SPACA7: variants seen among roughly 807,000 people sequenced by gnomAD.
SPACA7 encodes the protein sperm acrosome associated 7, also known as sperm acrosome-associated protein 7.
A neutral mutation model predicts 26.3 loss-of-function variants in SPACA7; 19 were observed. The observed-to-expected ratio is 0.72, with a 90% confidence interval of 0.50 to 1.06. SPACA7 has a LOEUF of 1.06. Ranked by LOEUF, SPACA7 falls within the 50% of genes least tolerant of loss-of-function variation. The pLI is 0.00. For missense variants in SPACA7, 211 were observed against 229.9 expected, an observed-to-expected ratio of 0.92 and a Z score of 0.53; for synonymous variants, 84 against 84.5, an observed-to-expected ratio of 0.99 and a Z score of 0.04.
At chr13:112,400,547 G>A (rs1362621078) in intron 4 of SPACA7, among the ~76,000 whole-genome samples, 4 of 152,146 alleles carry the variant, frequency 2.6e-5, no homozygotes, top group Non-Finnish European at 5.9e-5. Flanking sequence ...CACCGTTACT[G>A]ATTGTGAGCC....
At chr13:112,423,260 C>T (rs943282465) in intron 5 of SPACA7, among the ~76,000 whole-genome samples, 1 of 152,074 alleles carries the variant, frequency 6.6e-6, no homozygotes, top group African/African-American at 2.4e-5. Context: ...AAAAGGAAAA[C>T]ACAACATGTC....
intron 4 of SPACA7, among the ~76,000 whole-genome samples, chr13:112,399,479 C>G (rs1594275990): frequency 3.3e-5 from 5 of 152,336 alleles, no homozygotes; most frequent in East Asian, 3.9e-4. Flanking sequence ...GCCTGGCCCC[C>G]TCTCCCAAAG....
intron 1 of SPACA7, among the ~76,000 whole-genome samples, chr13:112,384,712 C>T (rs1367838912): frequency 6.6e-6 from 1 of 152,142 alleles, no homozygotes; most frequent in Non-Finnish European, 1.5e-5. Context: ...ATAGAGGACA[C>T]TTAGCTTTCC....
chr13:112,408,057 G>T (rs1179247442), intron 5 of SPACA7, among the ~76,000 whole-genome samples: 1 of 152,142 alleles, frequency 6.6e-6, no homozygotes, highest in Non-Finnish European at 1.5e-5. Context: ...ATGCAAGGCT[G>T]GTTCAAAGTA....
At chr13:112,381,494 CAAAA>C (rs35147413) in intron 1 of SPACA7, among the ~76,000 whole-genome samples, 613 of 44,048 alleles carry the variant, frequency 0.014, 9 homozygotes, top group Admixed American at 0.092. Context: ...CCCTGTCCCC[CAAAA>C]AAAAAAAAAA....
intron 1 of SPACA7, among the ~76,000 whole-genome samples, chr13:112,387,961 G>A (rs1180338325): frequency 6.6e-6 from 1 of 152,152 alleles, no homozygotes; most frequent in Non-Finnish European, 1.5e-5. Flanking sequence ...TCCAGGTGGT[G>A]ATGGACAACC....
intron 5 of SPACA7, among the ~76,000 whole-genome samples, chr13:112,430,613 G>T (rs1426650351): frequency 6.6e-6 from 1 of 152,128 alleles, no homozygotes; most frequent in Admixed American, 6.5e-5. Context: ...TGGGGTGATG[G>T]CCCCTGGGTT....
intron 5 of SPACA7, among the ~76,000 whole-genome samples, chr13:112,410,744 G>A (rs1374179537): frequency 6.7e-6 from 1 of 149,544 alleles, no homozygotes; most frequent in Non-Finnish European, 1.5e-5. Flanking sequence ...CAGTATGGTG[G>A]TGCCTCAAAA....
At chr13:112,394,703 T>G (rs1885122089) in intron 2 of SPACA7, among the ~76,000 whole-genome samples, 1 of 152,334 alleles carries the variant, frequency 6.6e-6, no homozygotes. Context: ...GGTCAAGGAA[T>G]GGCTGTGACT....
chr13:112,398,487 A>G (rs1404707374), intron 3 of SPACA7, among the ~76,000 whole-genome samples: 6 of 152,092 alleles, frequency 3.9e-5, no homozygotes, highest in Non-Finnish European at 5.9e-5. Flanking sequence ...ACACACGCCC[A>G]TGCTCTCACT....
intron 1 of SPACA7, among the ~76,000 whole-genome samples, chr13:112,380,321 C>T (rs1294688631): frequency 6.9e-6 from 1 of 145,430 alleles, no homozygotes; most frequent in African/African-American, 2.6e-5. Context: ...AGGAGAATCA[C>T]TTGGACCCAG....
chr13:112,422,650 A>G (rs1876100167), intron 5 of SPACA7, among the ~76,000 whole-genome samples: 1 of 152,242 alleles, frequency 6.6e-6, no homozygotes, highest in South Asian at 2.1e-4. Flanking sequence ...ATGTGGGGAA[A>G]TCCTCCAAAT....
At chr13:112,390,505 G>T (rs1884816488) in intron 1 of SPACA7, among the ~76,000 whole-genome samples, 1 of 152,182 alleles carries the variant, frequency 6.6e-6, no homozygotes, top group Non-Finnish European at 1.5e-5. Context: ...GTCAGTTCTT[G>T]CACTGCTATA....
In SPACA7 at chr13:112,433,762, T is replaced by A. The variant is rs1877433023; in HGVS notation, c.524-723T>A. On this transcript the variant is annotated intron_variant, in intron 6 of 6. Coordinates refer to ENST00000283550, the MANE Select transcript of SPACA7 (RefSeq NM_145248.5). The stretch of plus-strand genomic sequence containing the variant: ...GACCACAAAACCCCAGGCCACAAGG[T>A]CTGCTCGTGCCCCCAGCAGCAGGGA... Among the ~76,000 whole-genome samples the A allele has an allele frequency of 2.6e-5, 4 of 152,226 alleles. No homozygotes were observed. In the South Asian group the frequency reaches 8.3e-4, roughly 32 times the overall value.
At chr13:112,396,223 G>T (rs1885242459) in intron 2 of SPACA7, among the ~76,000 whole-genome samples, 1 of 151,600 alleles carries the variant, frequency 6.6e-6, no homozygotes, top group Admixed American at 6.6e-5. Flanking sequence ...GGGTACAGTT[G>T]TTAGAGATGG....
chr13:112,383,127 AAGAAAGAAAGAAAGAAAG>A (rs1566453144), intron 1 of SPACA7, among the ~76,000 whole-genome samples: 3 of 4,206 alleles, frequency 7.1e-4, no homozygotes, highest in African/African-American at 1.3e-3. Context: ...AAAGAAAAGA[AAGAAAGAAAGAAAGAAAG>A]AAAGAAAGAA....
intron 5 of SPACA7, among the ~76,000 whole-genome samples, chr13:112,431,398 A>G (rs1053877575): frequency 1.1e-4 from 16 of 152,230 alleles, no homozygotes; most frequent in African/African-American, 3.9e-4. Context: ...CATTCCTGAC[A>G]TACTGACTGT....
intron 5 of SPACA7, among the ~76,000 whole-genome samples, chr13:112,420,533 G>GA (rs60728031): frequency 1.3e-5 from 2 of 151,572 alleles, no homozygotes; most frequent in Admixed American, 6.6e-5. Flanking sequence ...AACATAAAGG[G>GA]AAAAAAAAGA....
intron 5 of SPACA7, among the ~76,000 whole-genome samples, chr13:112,404,123 G>T (rs1485808247): frequency 6.6e-6 from 1 of 152,194 alleles, no homozygotes; most frequent in Non-Finnish European, 1.5e-5. Flanking sequence ...CACTCTTGCA[G>T]GAGTGAGGTG....
Sources: gnomAD v4.1 joint callset for allele counts (sites outside exome capture counted in the v4.1 genomes callset) on GRCh38, gnomAD v4.1.1 for gene constraint, MANE v1.5 for transcripts, NCBI Gene and HGNC (gene_info 2026-07-23, HGNC 2026-07-21) for gene names.